The following ANO4 variants were observed in gnomAD, a reference collection of about 807,000 sequenced individuals.
The protein encoded by ANO4 is anoctamin-4.
A neutral mutation model predicts 141.9 loss-of-function variants in ANO4; 69 were observed. That is an observed-to-expected ratio of 0.49 (90% confidence interval 0.40 to 0.59). The LOEUF (loss-of-function observed/expected upper bound fraction) is 0.59, where lower values mean the gene tolerates loss of function less well. Among genes scored for constraint, ANO4 ranks in the 20% least tolerant of loss-of-function variants. ANO4 has a pLI of 0.00. For missense variants in ANO4, 894 were observed against 1,162.2 expected (o/e 0.77, Z 3.36); for synonymous variants, 350 against 394.3 (o/e 0.89, Z 1.33).
Position 100,931,501 on chromosome 12 carries a change from C to T in ANO4, c.161-7814C>T, listed in dbSNP as rs75559911. Among the ~76,000 whole-genome samples, 1,162 of 152,240 alleles carry T rather than the reference C, an allele frequency of 7.6e-3. 15 individuals carry two copies. Among genetic ancestry groups the T allele is most frequent in the African/African-American group, 0.026 (1,097 of 41,556 alleles). On this transcript the variant is annotated intron_variant, in intron 3 of 27. Transcript: ENST00000392977. ...TTGGGGTCTGAATTGAATGAAAATT[C>T]ATCTTTGTCACTTACTAGCTGCATG...
In ANO4 at chr12:101,117,352, A is replaced by G. The variant is rs941914149; in HGVS notation, c.2570+554A>G. Among the ~76,000 whole-genome samples the G allele has an allele frequency of 5.3e-5, 8 of 152,342 alleles. No individual in the cohort carries two copies. In the South Asian group the frequency reaches 1.4e-3, roughly 28 times the overall value. On this transcript the variant is annotated intron_variant, in intron 25 of 27. Coordinates refer to ENST00000392977, the MANE Select transcript of ANO4 (RefSeq NM_001286615.2). ...AAACTGTGCCTCTTGATGTGTATCT[A>G]TACAAACGTACATGAAGGAGAATTT...
At chr12:100,948,154 A>G (rs1208535343) in intron 5 of ANO4, among the ~76,000 whole-genome samples, 3 of 45,166 alleles carry the variant, frequency 6.6e-5, no homozygotes, top group African/African-American at 1.5e-4. Flanking sequence ...TCGTCTCAAA[A>G]AAAAAAAAAA....
chr12:100,883,531 G>T (rs1223629363), intron 1 of ANO4, among the ~76,000 whole-genome samples: 1 of 152,196 alleles, frequency 6.6e-6, no homozygotes, highest in Non-Finnish European at 1.5e-5. Context: ...AATGCCAATG[G>T]GTTTTGGGAT....
At chr12:100,804,824 T>A (rs1489937026) in intron 1 of ANO4, among the ~76,000 whole-genome samples, 1 of 152,276 alleles carries the variant, frequency 6.6e-6, no homozygotes, top group East Asian at 1.9e-4. Flanking sequence ...TAAATTTGTT[T>A]AAGTTCCTTG....
intron 14 of ANO4, among the ~76,000 whole-genome samples, chr12:101,059,815 C>A (rs2048274766): frequency 6.6e-6 from 1 of 151,760 alleles, no homozygotes; most frequent in African/African-American, 2.4e-5. Flanking sequence ...ATTTTTTAAT[C>A]TTTTTTAAAA....
At position 100,985,491 on chromosome 12, in the gene ANO4, A is replaced by C. The variant is rs59846926; in HGVS notation, c.603-2048A>C. Reference sequence around the variant, plus strand: ...ATAGATAAGGAAACTGAGGCTCAGCAAAGTTAAATCACTTGCCCAAGGTTT... The same window carrying C: ...ATAGATAAGGAAACTGAGGCTCAGCCAAGTTAAATCACTTGCCCAAGGTTT... On this transcript the variant is annotated intron_variant, in intron 7 of 27. Coordinates refer to ENST00000392977, the MANE Select transcript of ANO4 (RefSeq NM_001286615.2). Among the ~76,000 whole-genome samples the C allele has an allele frequency of 2.2e-3, 335 of 152,316 alleles. 7 individuals carry two copies. In the East Asian group the frequency reaches 0.033, roughly 15 times the overall value.
At chr12:100,914,278 A>G (rs1467468242) in intron 2 of ANO4, among the ~76,000 whole-genome samples, 2 of 152,226 alleles carry the variant, frequency 1.3e-5, no homozygotes, top group Non-Finnish European at 1.5e-5. Context: ...TATTATTTCC[A>G]TTTTAGACCT....
intron 5 of ANO4, among the ~76,000 whole-genome samples, chr12:100,949,400 A>G (rs1391494071): frequency 2.0e-5 from 3 of 152,210 alleles, no homozygotes; most frequent in Admixed American, 2.0e-4. Flanking sequence ...TGCCCTTGTA[A>G]AAGTTAACTT....
intron 19 of ANO4, 85 bp downstream of exon 19, chr12:101,096,732 C>A: frequency 9.9e-7 from 1 of 1,014,326 alleles, no homozygotes. Flanking sequence ...AGAAGCCCTC[C>A]CTTAGGGTGA....
chr12:100,866,370 C>T (rs1262321642), intron 1 of ANO4, among the ~76,000 whole-genome samples: 2 of 152,188 alleles, frequency 1.3e-5, no homozygotes, highest in African/African-American at 4.8e-5. Flanking sequence ...CACCATGACT[C>T]CACGTTCCCC....
At chr12:100,729,379 AAAAAAAAAAAAG>A (rs1267242067) in intron 1 of ANO4, among the ~76,000 whole-genome samples, 1 of 150,002 alleles carries the variant, frequency 6.7e-6, no homozygotes, top group Admixed American at 6.6e-5. Flanking sequence ...AAAAAAAAAA[AAAAAAAAAAAAG>A]GTAACACTAA....
intron 8 of ANO4, among the ~76,000 whole-genome samples, chr12:100,992,799 T>G (rs147814711): frequency 6.6e-6 from 1 of 151,858 alleles, no homozygotes; most frequent in East Asian, 1.9e-4. Context: ...AATGAAGGAG[T>G]GAGGATTGAA....
intron 1 of ANO4, among the ~76,000 whole-genome samples, chr12:100,854,394 AC>A (rs2038053238): frequency 6.6e-6 from 1 of 151,884 alleles, no homozygotes; most frequent in Admixed American, 6.6e-5. Flanking sequence ...AATACTAGAG[AC>A]CCGTGTTTTC....
At chr12:101,105,587 C>T (rs2050408337) in intron 22 of ANO4, among the ~76,000 whole-genome samples, 1 of 151,896 alleles carries the variant, frequency 6.6e-6, no homozygotes, top group African/African-American at 2.4e-5. Context: ...ACTAGGTATG[C>T]AAAAAGGCAA....
intron 16 of ANO4, 138 bp from the exon 17 acceptor site, chr12:101,086,522 T>C: frequency 1.2e-6 from 1 of 843,502 alleles, no homozygotes; most frequent in Non-Finnish European, 1.9e-6. Context: ...ATGAAAAGTA[T>C]GCATTTGATT....
At chr12:100,900,427 A>G (rs998568840) in intron 1 of ANO4, among the ~76,000 whole-genome samples, 1 of 151,084 alleles carries the variant, frequency 6.6e-6, no homozygotes, top group African/African-American at 2.4e-5. Context: ...TACATTAGGT[A>G]TCTCCTAATG....
chr12:100,725,069 T>G (rs2031048133), intron 1 of ANO4, among the ~76,000 whole-genome samples: 1 of 152,220 alleles, frequency 6.6e-6, no homozygotes, highest in Non-Finnish European at 1.5e-5. Context: ...GTGTAGGTAG[T>G]TATTAAAGGA....
chr12:100,999,746 A>G (rs1257200649), intron 8 of ANO4, among the ~76,000 whole-genome samples: 1 of 152,090 alleles, frequency 6.6e-6, no homozygotes, highest in Non-Finnish European at 1.5e-5. Context: ...ATGAAATGAC[A>G]TATGTAAAAG....
intron 14 of ANO4, chr12:101,068,335 G>T (rs2048677694): frequency 1.7e-6 from 2 of 1,202,136 alleles, no homozygotes; most frequent in African/African-American, 2.9e-5. Context: ...CTTGAGAGAA[G>T]ATGCAGAAAC....
Sources: gnomAD v4.1 joint callset for allele counts (sites outside exome capture counted in the v4.1 genomes callset) on GRCh38, gnomAD v4.1.1 for gene constraint, MANE v1.5 for transcripts, NCBI Gene and HGNC (gene_info 2026-07-23, HGNC 2026-07-21) for gene names.